BMPR1A: variants seen among roughly 807,000 people sequenced by gnomAD.
The protein encoded by BMPR1A is bone morphogenetic protein receptor type 1A.
Under a neutral mutation model 66.0 loss-of-function variants are expected in BMPR1A, and 7 were observed. The ratio of observed to expected loss-of-function variants is 0.11; its 90% CI spans 0.06 to 0.20. The LOEUF is 0.20. Ranked by LOEUF, BMPR1A falls within the 10% of genes least tolerant of loss-of-function variation. The pLI, the probability that BMPR1A is intolerant of heterozygous loss-of-function variation, is 1.00. For missense variants in BMPR1A, 408 were observed against 669.1 expected, an observed-to-expected ratio of 0.61 and a Z score of 4.31; for synonymous variants, 200 against 229.7, an observed-to-expected ratio of 0.87 and a Z score of 1.17.
chr10:86,805,377 T>TACACACACACACACACACACACAC (rs60828047), intron 1 of BMPR1A, among the ~76,000 whole-genome samples: 137 of 143,054 alleles, frequency 9.6e-4, no homozygotes, highest in African/African-American at 2.2e-3. Context: ...CTCCTACCTG[T>TACACACACACACACACACACACAC]ACACACACAC....
intron 3 of BMPR1A, among the ~76,000 whole-genome samples, chr10:86,888,255 G>A (rs2133384727): frequency 6.6e-6 from 1 of 151,896 alleles, no homozygotes; most frequent in South Asian, 2.1e-4. Flanking sequence ...CTTGAGGTCA[G>A]GAGTTTGAGA....
chr10:86,848,017 C>T (rs772585697), intron 2 of BMPR1A, among the ~76,000 whole-genome samples: 2 of 151,750 alleles, frequency 1.3e-5, no homozygotes, highest in Non-Finnish European at 2.9e-5. Flanking sequence ...CTGCACCCTT[C>T]GCCCCCCGGG....
chr10:86,791,368 A>G (rs1841616204), intron 1 of BMPR1A, among the ~76,000 whole-genome samples: 1 of 151,770 alleles, frequency 6.6e-6, no homozygotes, highest in Non-Finnish European at 1.5e-5. Flanking sequence ...ACGTGCCACC[A>G]TGCCTGGCTA....
At chr10:86,833,345 G>A (rs1464474933) in intron 1 of BMPR1A, among the ~76,000 whole-genome samples, 1 of 152,122 alleles carries the variant, frequency 6.6e-6, no homozygotes, top group African/African-American at 2.4e-5. Context: ...ATATTTTAGA[G>A]ACATGAGTCC....
chr10:86,790,791 T>C (rs1841605171), intron 1 of BMPR1A, among the ~76,000 whole-genome samples: 1 of 152,166 alleles, frequency 6.6e-6, no homozygotes, highest in Non-Finnish European at 1.5e-5. Context: ...CTGGAATTAG[T>C]GTTGATGGTT....
At chr10:86,829,710 G>A (rs1023970172) in intron 1 of BMPR1A, among the ~76,000 whole-genome samples, 1 of 152,110 alleles carries the variant, frequency 6.6e-6, no homozygotes, top group Non-Finnish European at 1.5e-5. Flanking sequence ...TTCACTTGGC[G>A]CAATTCCTTG....
Position 86,927,544 on chromosome 10 carries a change from G to C in BMPR1A, c.*3825G>C, listed in dbSNP as rs984970116. On this transcript the variant is annotated 3_prime_UTR_variant, in exon 13 of 13. Transcript: ENST00000372037. ...CCAGCACAGCATCCTGTGAAGCCACGTGTAATGATGGTCCCATAAGGAAAG... is the reference window on the plus strand; with the variant it reads ...CCAGCACAGCATCCTGTGAAGCCACCTGTAATGATGGTCCCATAAGGAAAG... The C allele has an allele frequency of 5.0e-6, 1 of 200,120 alleles. No homozygotes were observed. The highest frequency in any genetic ancestry group is 2.3e-5 in the African/African-American group (1 of 43,424). The allele number at this position is 200,120 out of a possible 1,614,324, so 12.4% of individuals were successfully genotyped here.
intron 11 of BMPR1A, among the ~76,000 whole-genome samples, chr10:86,921,986 T>A (rs182349193): frequency 5.3e-4 from 81 of 152,350 alleles, no homozygotes; most frequent in African/African-American, 1.7e-3. Context: ...CTCCCCGTTG[T>A]GCTATAAAAT....
At chr10:86,775,065 G>A (rs1841324676) in intron 1 of BMPR1A, among the ~76,000 whole-genome samples, 1 of 152,166 alleles carries the variant, frequency 6.6e-6, no homozygotes, top group African/African-American at 2.4e-5. Context: ...AGAAGCTGAA[G>A]CGAAAAAGTT....
chr10:86,931,280 T>TACACACACACACACAC (rs1271685565), downstream of BMPR1A: 10 of 96,812 alleles, frequency 1.0e-4, no homozygotes, highest in African/African-American at 4.4e-4. Context: ...TATATATATA[T>TACACACACACACACAC]ACACACACAC....
At chr10:86,844,610 TG>T (rs944823046) in intron 2 of BMPR1A, among the ~76,000 whole-genome samples, 4 of 152,232 alleles carry the variant, frequency 2.6e-5, no homozygotes, top group African/African-American at 9.6e-5. Context: ...TTTAGAACTT[TG>T]CAATATTTAG....
At chr10:86,890,300 A>T (rs1843129886) in intron 4 of BMPR1A, 76 bp downstream of exon 4, 1 of 1,574,108 alleles carries the variant, frequency 6.4e-7, no homozygotes, top group Non-Finnish European at 8.7e-7. Flanking sequence ...GAATTATTAA[A>T]CTTGTCTGCG....
At position 86,875,887 on chromosome 10, in the gene BMPR1A, G is replaced by A; in HGVS notation, c.-132G>A. ...TTCAGGAGTCGTAAGAAAGCAGTGG[G>A]AGTTGAAGTCATTGTCAAGTGCTTG... On this transcript the variant is annotated 5_prime_UTR_variant, in exon 3 of 13. Coordinates refer to ENST00000372037, the MANE Select transcript of BMPR1A (RefSeq NM_004329.3). 1.3e-6 allele frequency: 1 copy of A among 774,380 alleles called. No homozygotes were observed. Among genetic ancestry groups the A allele is most frequent in the South Asian group, 1.4e-5 (1 of 69,276 alleles). The allele number at this position is 774,380 out of a possible 1,614,324, so 48.0% of individuals were successfully genotyped here.
At chr10:86,857,107 A>G (rs1418203905) in intron 2 of BMPR1A, among the ~76,000 whole-genome samples, 2 of 151,448 alleles carry the variant, frequency 1.3e-5, no homozygotes, top group Admixed American at 1.3e-4. Flanking sequence ...GGTGTAATGG[A>G]ATAATTGGCC....
intron 1 of BMPR1A, among the ~76,000 whole-genome samples, chr10:86,769,327 TGA>T (rs1210200152): frequency 6.6e-6 from 1 of 152,220 alleles, no homozygotes; most frequent in East Asian, 1.9e-4. Flanking sequence ...GAGGATCACT[TGA>T]GGCCAGGATT....
chr10:86,818,237 T>C (rs762037469), intron 1 of BMPR1A, among the ~76,000 whole-genome samples: 20 of 152,196 alleles, frequency 1.3e-4, no homozygotes, highest in Non-Finnish European at 1.9e-4. Context: ...CAAGCTGGTC[T>C]CGAACTCCTG....
At chr10:86,888,585 G>A (rs530325990) in intron 3 of BMPR1A, among the ~76,000 whole-genome samples, 161 of 152,174 alleles carry the variant, frequency 1.1e-3, no homozygotes, top group African/African-American at 3.6e-3. Context: ...CCAGCACTTC[G>A]GGAGGCTGAG....
chr10:86,885,596 A>G (rs927407173), intron 3 of BMPR1A, among the ~76,000 whole-genome samples: 1 of 152,240 alleles, frequency 6.6e-6, no homozygotes, highest in Non-Finnish European at 1.5e-5. Context: ...AGTTGTAGAC[A>G]TGCCACCTTT....
chr10:86,780,258 C>G lies in BMPR1A; in HGVS notation c.-268+23339C>G, dbSNP rs184169778. On this transcript the variant is annotated intron_variant, in intron 1 of 12. Coordinates refer to ENST00000372037, the MANE Select transcript of BMPR1A (RefSeq NM_004329.3). ...TATTTTCTCACTTTCTGTAGCTCGTCTCTTCATGATGTTAATGGGTTCTTT... is the reference window on the plus strand; with the variant it reads ...TATTTTCTCACTTTCTGTAGCTCGTGTCTTCATGATGTTAATGGGTTCTTT... 9.2e-5 allele frequency among the ~76,000 whole-genome samples: 14 copies of G among 152,226 alleles called. No homozygotes were observed. In the East Asian group the frequency reaches 2.5e-3, roughly 27 times the overall value.
Sources: allele counts gnomAD v4.1 joint callset (sites outside exome capture counted in the v4.1 genomes callset), GRCh38; gene constraint gnomAD v4.1.1; transcripts MANE v1.5; gene names NCBI Gene and HGNC (gene_info 2026-07-23, HGNC 2026-07-21).